CACNA2D1: variants seen among roughly 807,000 people sequenced by gnomAD.
The protein encoded by CACNA2D1 is voltage-dependent calcium channel subunit alpha-2/delta-1.
In CACNA2D1, 53 loss-of-function variants were observed where a neutral mutation model predicts 171.5. The observed-to-expected ratio is 0.31, with a 90% CI of 0.25 to 0.39. CACNA2D1 has a LOEUF of 0.39. Ranked by LOEUF, CACNA2D1 falls within the 10% of genes least tolerant of loss-of-function variation. The pLI, the probability that CACNA2D1 is intolerant of heterozygous loss-of-function variation, is 1.00. For missense variants in CACNA2D1, 903 were observed against 1,299.8 expected (o/e 0.69, Z 4.69); for synonymous variants, 442 against 443.1 (o/e 1.00, Z 0.03).
At chr7:82,224,398 C>T (rs546223208) in intron 3 of CACNA2D1, among the ~76,000 whole-genome samples, 1 of 151,956 alleles carries the variant, frequency 6.6e-6, no homozygotes, top group Non-Finnish European at 1.5e-5. Flanking sequence ...CCATCCTGGC[C>T]AACATGGTGA....
intron 3 of CACNA2D1, among the ~76,000 whole-genome samples, chr7:82,308,676 C>T (rs73376113): frequency 0.18 from 27,400 of 152,240 alleles, 2,504 homozygotes; most frequent in South Asian, 0.28. Flanking sequence ...ACTGGAAACC[C>T]ATACCATGGG....
intron 3 of CACNA2D1, among the ~76,000 whole-genome samples, chr7:82,226,492 G>A (rs538211701): frequency 2.0e-5 from 3 of 152,118 alleles, no homozygotes; most frequent in Non-Finnish European, 4.4e-5. Context: ...TTGTAGACAG[G>A]TGTGCAGGCT....
At position 82,097,245 on chromosome 7, in the gene CACNA2D1, G is replaced by A. The variant is rs148030371; in HGVS notation, c.527-12345C>T. 1.1e-3 allele frequency among the ~76,000 whole-genome samples: 169 copies of A among 152,200 alleles called. 1 individual carries two copies. Among genetic ancestry groups the A allele is most frequent in the African/African-American group, 3.9e-3 (160 of 41,504 alleles). On this transcript the variant is annotated intron_variant, in intron 6 of 38. Transcript: ENST00000356860. ...TGCAGGGATGTTATTAGAGAGACATGATTATAATAATCTAGGAATACTAAA... is the reference window on the plus strand; with the variant it reads ...TGCAGGGATGTTATTAGAGAGACATAATTATAATAATCTAGGAATACTAAA...
chr7:82,161,559 T>C (rs542636202), intron 4 of CACNA2D1, among the ~76,000 whole-genome samples: 24 of 152,142 alleles, frequency 1.6e-4, no homozygotes, highest in Admixed American at 1.4e-3. Context: ...ATTAACTACA[T>C]GTGGAGTTAT....
intron 3 of CACNA2D1, among the ~76,000 whole-genome samples, chr7:82,184,046 C>T (rs1454001514): frequency 6.6e-6 from 1 of 150,818 alleles, no homozygotes; most frequent in Non-Finnish European, 1.5e-5. Flanking sequence ...GTTTAATTAA[C>T]TTGCACAGGC....
chr7:82,226,660 G>C (rs1251896026), intron 3 of CACNA2D1, among the ~76,000 whole-genome samples: 1 of 152,096 alleles, frequency 6.6e-6, no homozygotes, highest in African/African-American at 2.4e-5. Flanking sequence ...CTGATCCATA[G>C]ATGAAAAAGC....
chr7:81,967,685 A>ATTT, intron 29 of CACNA2D1, 22 bp from the exon 30 acceptor site: 1 of 1,113,632 alleles, frequency 9.0e-7, no homozygotes, highest in Non-Finnish European at 1.4e-6. Context: ...ATTTGAATTA[A>ATTT]TTCAAAGGTA....
chr7:81,967,240 T>A, intron 30 of CACNA2D1, 33 bp from the exon 31 acceptor site: 1 of 1,574,602 alleles, frequency 6.4e-7, no homozygotes, highest in Non-Finnish European at 8.7e-7. Context: ...TCACCTCACT[T>A]TTAAAAGTTG....
intron 6 of CACNA2D1, among the ~76,000 whole-genome samples, chr7:82,099,007 A>G (rs912247694): frequency 6.6e-6 from 1 of 152,208 alleles, no homozygotes; most frequent in African/African-American, 2.4e-5. Flanking sequence ...AGTTACTCTG[A>G]TGTAAACATT....
At chr7:82,389,148 T>TTTA (rs1554537367) in intron 1 of CACNA2D1, among the ~76,000 whole-genome samples, 2 of 141,560 alleles carry the variant, frequency 1.4e-5, no homozygotes, top group East Asian at 2.0e-4. Flanking sequence ...ATATATATAT[T>TTTA]TATATATATA....
intron 18 of CACNA2D1, 145 bp from the exon 19 acceptor site, chr7:81,997,395 T>TA: frequency 2.3e-6 from 1 of 437,172 alleles, no homozygotes; most frequent in Non-Finnish European, 4.0e-6. Context: ...TCATATATAT[T>TA]TTATATATAT....
chr7:82,322,715 CAGG>C (rs1816147212), intron 3 of CACNA2D1, among the ~76,000 whole-genome samples: 1 of 152,122 alleles, frequency 6.6e-6, no homozygotes, highest in African/African-American at 2.4e-5. Context: ...TAAATCGTAT[CAGG>C]AGATTTTTTA....
intron 3 of CACNA2D1, among the ~76,000 whole-genome samples, chr7:82,223,964 T>TA (rs1188652637): frequency 6.6e-6 from 1 of 152,138 alleles, no homozygotes; most frequent in Non-Finnish European, 1.5e-5. Context: ...TGTGGTGCCT[T>TA]AAACATGCCA....
At chr7:82,294,405 T>A (rs1374387636) in intron 3 of CACNA2D1, among the ~76,000 whole-genome samples, 4 of 152,090 alleles carry the variant, frequency 2.6e-5, no homozygotes, top group African/African-American at 4.8e-5. Context: ...ATTCGGTTAT[T>A]CACACTTGCA....
chr7:82,205,531 A>G (rs78157245), intron 3 of CACNA2D1, among the ~76,000 whole-genome samples: 4,959 of 145,680 alleles, frequency 0.034, 253 homozygotes, highest in African/African-American at 0.11. Flanking sequence ...GGACACAGAT[A>G]AAATAAAGAA....
chr7:82,293,023 A>T (rs1811843766), intron 3 of CACNA2D1, among the ~76,000 whole-genome samples: 2 of 151,898 alleles, frequency 1.3e-5, no homozygotes, highest in South Asian at 4.2e-4. Context: ...TACTTCATAG[A>T]CTGATCTAAT....
intron 3 of CACNA2D1, among the ~76,000 whole-genome samples, chr7:82,171,532 A>T (rs1584993007): frequency 6.6e-6 from 1 of 152,050 alleles, no homozygotes; most frequent in African/African-American, 2.4e-5. Context: ...CCATTCTCTC[A>T]TGTGAGTAAT....
chr7:82,291,935 T>C (rs1218920667), intron 3 of CACNA2D1, among the ~76,000 whole-genome samples: 3 of 151,956 alleles, frequency 2.0e-5, no homozygotes, highest in African/African-American at 7.2e-5. Flanking sequence ...TCAAAATACA[T>C]ATTTATTTTT....
intron 1 of CACNA2D1, among the ~76,000 whole-genome samples, chr7:82,435,605 AC>A (rs1585957374): frequency 6.6e-6 from 1 of 152,116 alleles, no homozygotes; most frequent in East Asian, 1.9e-4. Context: ...TCTCACTGCC[AC>A]TAATCTTTTT....
Sources: gnomAD v4.1 joint callset for allele counts (sites outside exome capture counted in the v4.1 genomes callset) on GRCh38, gnomAD v4.1.1 for gene constraint, MANE v1.5 for transcripts, NCBI Gene and HGNC (gene_info 2026-07-23, HGNC 2026-07-21) for gene names.